TENM2: variants seen among roughly 807,000 people sequenced by gnomAD.
TENM2 encodes teneurin-2.
In TENM2, 52 loss-of-function variants were observed where a neutral mutation model predicts 245.2. The observed-to-expected ratio is 0.21, with a 90% CI of 0.17 to 0.27. The LOEUF (loss-of-function observed/expected upper bound fraction) is 0.27, where lower values mean the gene tolerates loss of function less well. Ranked by LOEUF, TENM2 falls within the 10% of genes least tolerant of loss-of-function variation. TENM2 has a pLI of 1.00. For missense variants in TENM2, 3,046 were observed against 3,666.8 expected, an observed-to-expected ratio of 0.83 and a Z score of 4.37; for synonymous variants, 1,363 against 1,438.9, an observed-to-expected ratio of 0.95 and a Z score of 1.19.
At chr5:167,330,698 G>A (rs1233233352) in intron 1 of TENM2, among the ~76,000 whole-genome samples, 1 of 152,142 alleles carries the variant, frequency 6.6e-6, no homozygotes. Context: ...CTCCAAATCT[G>A]AGGATCCAGG....
At chr5:168,261,250 G>A (rs1318590878) in intron 28 of TENM2, among the ~76,000 whole-genome samples, 1 of 152,150 alleles carries the variant, frequency 6.6e-6, no homozygotes, top group East Asian at 1.9e-4. Flanking sequence ...TAATTTGCGA[G>A]TGGAGAACTC....
At chr5:167,299,492 G>C (rs1444037810) in intron 1 of TENM2, among the ~76,000 whole-genome samples, 1 of 151,986 alleles carries the variant, frequency 6.6e-6, no homozygotes, top group African/African-American at 2.4e-5. Context: ...GGAAGGGAGG[G>C]GGCCTGAATA....
chr5:167,835,069 C>G (rs978708479), intron 2 of TENM2, among the ~76,000 whole-genome samples: 8 of 152,280 alleles, frequency 5.3e-5, no homozygotes, highest in Admixed American at 4.6e-4. Flanking sequence ...GGTATTGACC[C>G]TCTCTGAGCA....
intron 2 of TENM2, among the ~76,000 whole-genome samples, chr5:167,453,533 T>G (rs1765731950): frequency 6.6e-6 from 1 of 152,202 alleles, no homozygotes; most frequent in African/African-American, 2.4e-5. Flanking sequence ...GTTGTGTGAC[T>G]TTGGACAAAT....
chr5:167,162,641 C>CA, the TENM2 span, among the ~76,000 whole-genome samples: 282 of 141,560 alleles, frequency 2.0e-3, 1 homozygote, highest in African/African-American at 7.7e-3. Flanking sequence ...AAAAAAACAA[C>CA]AAAAAACAAA....
intron 2 of TENM2, among the ~76,000 whole-genome samples, chr5:167,635,740 G>T (rs1457474633): frequency 6.9e-6 from 1 of 145,322 alleles, no homozygotes; most frequent in East Asian, 2.1e-4. Context: ...CGCCTCCCGG[G>T]TTCACGCCAT....
intron 25 of TENM2, among the ~76,000 whole-genome samples, chr5:168,240,706 G>A (rs1766011709): frequency 6.8e-6 from 1 of 148,140 alleles, no homozygotes. Context: ...AGGGCCCTAT[G>A]ATATGAGCAA....
the TENM2 span, among the ~76,000 whole-genome samples, chr5:167,180,103 C>CTTTTTTTTTTTTTTTTTTTTT: frequency 2.2e-4 from 25 of 114,958 alleles, 1 homozygote; most frequent in African/African-American, 1.0e-3. Flanking sequence ...TAAGTGCTTC[C>CTTTTTTTTTTTTTTTTTTTTT]TTTTTTTTTT....
At chr5:167,630,776 C>G (rs1778813747) in intron 2 of TENM2, among the ~76,000 whole-genome samples, 1 of 152,180 alleles carries the variant, frequency 6.6e-6, no homozygotes, top group South Asian at 2.1e-4. Flanking sequence ...TGTCACTACT[C>G]AGAAGGGAAA....
chr5:167,969,500 C>T (rs907117848), intron 4 of TENM2, among the ~76,000 whole-genome samples: 10 of 152,218 alleles, frequency 6.6e-5, no homozygotes, highest in South Asian at 2.1e-4. Flanking sequence ...TTATTAGCAG[C>T]GTAAGAACAG....
At chr5:168,080,387 G>C (rs886303304) in intron 7 of TENM2, among the ~76,000 whole-genome samples, 11 of 152,036 alleles carry the variant, frequency 7.2e-5, no homozygotes, top group African/African-American at 2.7e-4. Flanking sequence ...ACCAGCTCCT[G>C]GATTCACTGA....
chr5:168,163,362 G>C lies in TENM2; in HGVS notation c.2569+605G>C, dbSNP rs140950465. Among the ~76,000 whole-genome samples the C allele has an allele frequency of 3.9e-5, 6 of 152,266 alleles. No homozygotes were observed. In the East Asian group the frequency reaches 1.2e-3, roughly 29 times the overall value. ...TAAAAATAGTTTTAACATTTTTAATGGTTGGTGGAAAAAATCATTAAAAAG... is the reference window on the plus strand; with the variant it reads ...TAAAAATAGTTTTAACATTTTTAATCGTTGGTGGAAAAAATCATTAAAAAG... On this transcript the variant is annotated intron_variant, in intron 13 of 28. Coordinates refer to ENST00000518659, the Ensembl canonical transcript of TENM2.
At chr5:167,255,543 T>C in the TENM2 span, among the ~76,000 whole-genome samples, 1 of 152,164 alleles carries the variant, frequency 6.6e-6, no homozygotes, top group Non-Finnish European at 1.5e-5. Context: ...CCTCTTTTCC[T>C]TCTTGTTATG....
chr5:168,075,899 C>G (rs1266314367), intron 7 of TENM2, among the ~76,000 whole-genome samples: 1 of 152,150 alleles, frequency 6.6e-6, no homozygotes, highest in Non-Finnish European at 1.5e-5. Context: ...ATAAAACCAT[C>G]AGATCTCAGG....
intron 9 of TENM2, among the ~76,000 whole-genome samples, chr5:168,108,390 C>G (rs1429636308): frequency 6.6e-6 from 1 of 152,164 alleles, no homozygotes; most frequent in African/African-American, 2.4e-5. Context: ...TAGAAAATTA[C>G]TTAACCCCTC....
intron 2 of TENM2, among the ~76,000 whole-genome samples, chr5:167,775,714 C>T (rs548855082): frequency 1.3e-5 from 2 of 152,132 alleles, no homozygotes; most frequent in East Asian, 3.9e-4. Context: ...AAGACATGGT[C>T]CCTATTCTCA....
At chr5:167,549,267 G>C (rs1311183358) in intron 2 of TENM2, among the ~76,000 whole-genome samples, 1 of 151,704 alleles carries the variant, frequency 6.6e-6, no homozygotes, top group African/African-American at 2.4e-5. Flanking sequence ...TTTCCCTCTT[G>C]GTCACTCCTG....
At chr5:167,960,679 T>C (rs1780943470) in intron 4 of TENM2, among the ~76,000 whole-genome samples, 1 of 152,192 alleles carries the variant, frequency 6.6e-6, no homozygotes, top group South Asian at 2.1e-4. Flanking sequence ...GCTCCCTTGC[T>C]TCAGCCCCCT....
At chr5:168,239,731 C>G (rs55972503) in intron 25 of TENM2, among the ~76,000 whole-genome samples, 28,629 of 152,058 alleles carry the variant, frequency 0.19, 2,941 homozygotes, top group Middle Eastern at 0.28. Context: ...ACATGTTGGT[C>G]TTTCCCATGA....
Sources: gnomAD v4.1 joint callset for allele counts (sites outside exome capture counted in the v4.1 genomes callset) on GRCh38, gnomAD v4.1.1 for gene constraint, MANE v1.5 for transcripts, NCBI Gene and HGNC (gene_info 2026-07-23, HGNC 2026-07-21) for gene names.